XPO6: variants seen among roughly 807,000 people sequenced by gnomAD.
The protein encoded by XPO6 is exportin-6.
In XPO6, 3 loss-of-function variants were observed where a neutral mutation model predicts 130.0. The ratio of observed to expected loss-of-function variants is 0.02; its 90% CI spans 0.01 to 0.06. The LOEUF (loss-of-function observed/expected upper bound fraction) is 0.06, where lower values mean the gene tolerates loss of function less well. Ranked by LOEUF, XPO6 falls within the 10% of genes least tolerant of loss-of-function variation. The probability of loss-of-function intolerance (pLI) is 1.00; values close to 1 mark genes in which losing one functional copy is unlikely to be tolerated. For missense variants in XPO6, 970 were observed against 1,393.0 expected (o/e 0.70, Z 4.83); for synonymous variants, 524 against 548.9 (o/e 0.95, Z 0.63).
intron 1 of XPO6, among the ~76,000 whole-genome samples, chr16:28,194,936 G>A (rs1466675067): frequency 6.7e-6 from 1 of 149,062 alleles, no homozygotes; most frequent in African/African-American, 2.5e-5. Context: ...CCACATAACA[G>A]TTCCATGTCT....
intron 4 of XPO6, among the ~76,000 whole-genome samples, chr16:28,170,347 A>C (rs1003328508): frequency 2.0e-5 from 3 of 151,840 alleles, no homozygotes; most frequent in African/African-American, 7.3e-5. Context: ...AAAAAAAAAA[A>C]AAAGAAACAT....
At chr16:28,129,336 G>A (rs903867644) in intron 12 of XPO6, among the ~76,000 whole-genome samples, 1 of 152,198 alleles carries the variant, frequency 6.6e-6, no homozygotes, top group East Asian at 1.9e-4. Flanking sequence ...AACTTGAGGG[G>A]ATAGGCCAGT....
At chr16:28,186,421 A>G (rs1299500148) in intron 1 of XPO6, among the ~76,000 whole-genome samples, 3 of 116,328 alleles carry the variant, frequency 2.6e-5, no homozygotes, top group African/African-American at 3.8e-5. Context: ...TTGCCAGGCT[A>G]GAGTTCAGTG....
At chr16:28,173,285 T>C (rs1381529485) in intron 4 of XPO6, among the ~76,000 whole-genome samples, 1 of 152,242 alleles carries the variant, frequency 6.6e-6, no homozygotes, top group East Asian at 1.9e-4. Flanking sequence ...TGAGTACTGA[T>C]CATTCTTGAC....
Position 28,177,418 on chromosome 16 carries a change from T to C in XPO6, c.95-86A>G, listed in dbSNP as rs942123596. 2.3e-5 allele frequency: 16 copies of C among 700,736 alleles called. No individual in the cohort carries two copies. In the African/African-American group the frequency reaches 2.6e-4, roughly 11 times the overall value. 43.4% of individuals were successfully genotyped at this position (700,736 alleles called of 1,614,324 possible). A position where few individuals can be genotyped will look rare whatever the true frequency, so the allele number is the denominator to read the frequency against. On this transcript the variant is annotated intron_variant, in intron 2 of 23. Coordinates refer to ENST00000304658, the MANE Select transcript of XPO6 (RefSeq NM_015171.4). The stretch of plus-strand genomic sequence containing the variant: ...GGGCTATCTTATTATTATTTAAACA[T>C]GTCTCTCTGCATATAATGTAAATGA...
At chr16:28,109,585 A>G in intron 17 of XPO6, among the ~76,000 whole-genome samples, 1 of 152,224 alleles carries the variant, frequency 6.6e-6, no homozygotes, top group African/African-American at 2.4e-5. Flanking sequence ...CTATGGAAAC[A>G]ATCAGGCAAA....
chr16:28,194,260 AT>A (rs2043826327), intron 1 of XPO6, among the ~76,000 whole-genome samples: 1 of 152,176 alleles, frequency 6.6e-6, no homozygotes, highest in African/African-American at 2.4e-5. Context: ...AAAATCCTAC[AT>A]AAAAAATTAG....
intron 8 of XPO6, among the ~76,000 whole-genome samples, chr16:28,148,984 G>A (rs962737311): frequency 6.7e-6 from 1 of 149,836 alleles, no homozygotes; most frequent in Non-Finnish European, 1.5e-5. Context: ...AGAGGTTGCA[G>A]TAAGTCAAGA....
chr16:28,122,884 T>C (rs2087280429), intron 13 of XPO6, among the ~76,000 whole-genome samples: 1 of 152,112 alleles, frequency 6.6e-6, no homozygotes, highest in South Asian at 2.1e-4. Flanking sequence ...TTTGAAAATG[T>C]TTGATAAAAC....
At chr16:28,184,435 C>A (rs2043662749) in intron 1 of XPO6, among the ~76,000 whole-genome samples, 1 of 151,954 alleles carries the variant, frequency 6.6e-6, no homozygotes, top group African/African-American at 2.4e-5. Flanking sequence ...ATTTCTTAAA[C>A]AGAACACATA....
At chr16:28,100,984 C>A in intron 23 of XPO6, 1 of 238,708 alleles carries the variant, frequency 4.2e-6, no homozygotes, top group Non-Finnish European at 8.4e-6. Context: ...CCAAGCTGAG[C>A]TGGGGCTGGT....
chr16:28,207,104 C>A (rs1206430626), intron 1 of XPO6, among the ~76,000 whole-genome samples: 1 of 151,840 alleles, frequency 6.6e-6, no homozygotes, highest in Non-Finnish European at 1.5e-5. Context: ...AAAAATTAGC[C>A]GGGTATGGTG....
At chr16:28,144,083 T>C (rs2042942123) in intron 9 of XPO6, among the ~76,000 whole-genome samples, 1 of 152,240 alleles carries the variant, frequency 6.6e-6, no homozygotes, top group Non-Finnish European at 1.5e-5. Context: ...CTATTTAGCA[T>C]GCAAGAAAGA....
intron 8 of XPO6, among the ~76,000 whole-genome samples, chr16:28,149,487 G>A (rs954471320): frequency 2.0e-5 from 3 of 152,216 alleles, no homozygotes; most frequent in Non-Finnish European, 4.4e-5. Flanking sequence ...TAGACTGCAT[G>A]TGTGACAGTG....
chr16:28,181,795 T>G (rs2043621512), intron 1 of XPO6, among the ~76,000 whole-genome samples: 1 of 152,060 alleles, frequency 6.6e-6, no homozygotes. Context: ...TAACTAGGGA[T>G]TCAAAATTAG....
rs1217465129 is a variant in XPO6 at position 28,101,216 on chromosome 16, C to T, written c.3276+242G>A. On this transcript the variant is annotated intron_variant, in intron 23 of 23. Transcript: ENST00000304658. The surrounding 1 kb of genome is among the most constrained non-coding windows in gnomAD (Gnocchi z 5.4). ...TGGAGGGGCTGCAGAGCCAGGAACT[C>T]GGGACCTCCATGGCTGAGACTAAGA... 6 of 579,712 alleles carry T rather than the reference C, an allele frequency of 1.0e-5. No homozygotes were observed. The highest frequency in any genetic ancestry group is 3.0e-5 in the East Asian group (1 of 33,568). The allele number at this position is 579,712 out of a possible 1,614,324, so 35.9% of individuals were successfully genotyped here.
rs1310908953 is a variant in XPO6, at chr16:28,168,820, G to C, written c.565+930C>G. Among the ~76,000 whole-genome samples the C allele has an allele frequency of 4.7e-5, 7 of 147,794 alleles. No homozygotes were observed. The South Asian group carries it at 1.1e-3, about 23-fold the overall frequency. Reference sequence around the variant, plus strand: ...CCAGAAATGGGGGTCTCAATATGTTGCCTAGTCTGGTCTCAAACTCCTGGG... The same window carrying C: ...CCAGAAATGGGGGTCTCAATATGTTCCCTAGTCTGGTCTCAAACTCCTGGG... On this transcript the variant is annotated intron_variant, in intron 5 of 23. Coordinates refer to ENST00000304658, the MANE Select transcript of XPO6 (RefSeq NM_015171.4).
chr16:28,124,867 C>T (rs1032126159), intron 13 of XPO6, among the ~76,000 whole-genome samples: 4 of 152,220 alleles, frequency 2.6e-5, no homozygotes, highest in Admixed American at 1.3e-4. Flanking sequence ...CCCCTCTGCA[C>T]GTCACCAGTG....
intron 1 of XPO6, among the ~76,000 whole-genome samples, chr16:28,193,332 A>G (rs370082779): frequency 1.2e-4 from 19 of 152,240 alleles, no homozygotes; most frequent in African/African-American, 4.6e-4. Context: ...CTGCACAAGC[A>G]GAGATCTGTG....
Sources: allele counts gnomAD v4.1 joint callset (sites outside exome capture counted in the v4.1 genomes callset), GRCh38; gene constraint gnomAD v4.1.1; non-coding constraint Gnocchi (gnomAD v3.1); transcripts MANE v1.5; gene names NCBI Gene and HGNC (gene_info 2026-07-23, HGNC 2026-07-21).